Variants in GPC3 observed in about 807,000 individuals in gnomAD.
The protein encoded by GPC3 is glypican 3.
Under a neutral mutation model 34.4 loss-of-function variants are expected in GPC3, and 3 were observed. That is an observed-to-expected ratio of 0.09 (90% CI 0.04 to 0.23). GPC3 has a LOEUF of 0.23. Among genes scored for constraint, GPC3 ranks in the 10% least tolerant of loss-of-function variants. The probability of loss-of-function intolerance (pLI) is 1.00; values close to 1 mark genes in which losing one functional copy is unlikely to be tolerated. For synonymous variants in GPC3, 177 were observed against 174.0 expected (o/e 1.02, Z -0.13); for missense variants, 351 against 445.6 (o/e 0.79, Z 1.91).
chrX:133,568,511 C>T (rs999786063), intron 7 of GPC3, among the ~76,000 whole-genome samples: 3 of 111,818 alleles, frequency 2.7e-5, no homozygotes, highest in Admixed American at 9.5e-5. Flanking sequence ...GTCTCAGATT[C>T]GGAGAAGAAT....
chrX:133,921,286 A>G (rs1478822787), intron 2 of GPC3, among the ~76,000 whole-genome samples: 1 of 111,222 alleles, frequency 9.0e-6, no homozygotes, highest in Non-Finnish European at 1.9e-5. Context: ...CCCACTACCA[A>G]TCAGGTCCTT....
At chrX:133,561,087 C>G (rs1440601473) in intron 7 of GPC3, among the ~76,000 whole-genome samples, 2 of 112,334 alleles carry the variant, frequency 1.8e-5, no homozygotes, top group Non-Finnish European at 3.8e-5. Flanking sequence ...TGCCCATCAT[C>G]AACCTCCAAC....
At chrX:133,609,384 G>A (rs1273381829) in intron 6 of GPC3, among the ~76,000 whole-genome samples, 1 of 111,578 alleles carries the variant, frequency 9.0e-6, no homozygotes. Context: ...TACCTCAAGT[G>A]GTTTGACTGG....
chrX:133,772,885 TAAGTGGTG>T (rs2071938181), intron 2 of GPC3, among the ~76,000 whole-genome samples: 1 of 110,331 alleles, frequency 9.1e-6, no homozygotes, highest in African/African-American at 3.3e-5. Context: ...ACACAACAAG[TAAGTGGTG>T]CAGAGCTGGA....
intron 2 of GPC3, among the ~76,000 whole-genome samples, chrX:133,914,944 A>AATATATATATATATATATATATATATAT (rs35086661): frequency 2.0e-5 from 1 of 49,934 alleles, no homozygotes; most frequent in African/African-American, 1.0e-4. Context: ...TCAAACTGGA[A>AATATATATATATATATATATATATATAT]ATATATATAT....
At chrX:133,956,978 C>A (rs2076419365) in intron 1 of GPC3, among the ~76,000 whole-genome samples, 1 of 111,501 alleles carries the variant, frequency 9.0e-6, no homozygotes, top group Non-Finnish European at 1.9e-5. Flanking sequence ...CCTGAGTTGG[C>A]CAAGTCTCAT....
At chrX:133,650,464 CA>C (rs2070590931) in intron 6 of GPC3, among the ~76,000 whole-genome samples, 2 of 108,603 alleles carry the variant, frequency 1.8e-5, no homozygotes, top group Admixed American at 2.0e-4. Context: ...CACCCACACA[CA>C]CACACACACA....
chrX:133,551,517 CT>C (rs2069433329), intron 7 of GPC3, among the ~76,000 whole-genome samples: 1 of 111,106 alleles, frequency 9.0e-6, no homozygotes. Flanking sequence ...CAATTATTCC[CT>C]TCTCTTCTGT....
chrX:133,947,607 G>C (rs2076374601), intron 2 of GPC3, among the ~76,000 whole-genome samples: 1 of 111,737 alleles, frequency 8.9e-6, no homozygotes, highest in Non-Finnish European at 1.9e-5. Flanking sequence ...TTTCCAGTTG[G>C]TTTTCCAATT....
chrX:133,748,246 T>C (rs181676994), intron 3 of GPC3, among the ~76,000 whole-genome samples: 1 of 112,301 alleles, frequency 8.9e-6, no homozygotes, highest in African/African-American at 3.2e-5. Context: ...AAAACAGTCA[T>C]ATTTTAAAAA....
chrX:133,938,360 T>C (rs1385020218), intron 2 of GPC3, among the ~76,000 whole-genome samples: 1 of 111,759 alleles, frequency 8.9e-6, no homozygotes, highest in African/African-American at 3.2e-5. Flanking sequence ...ATCCGTTCTC[T>C]TAAACACTAC....
chrX:133,724,248 C>G (rs755217734), intron 3 of GPC3, among the ~76,000 whole-genome samples: 28 of 111,879 alleles, frequency 2.5e-4, no homozygotes, highest in African/African-American at 7.5e-4. Context: ...TTGAGGAAAC[C>G]CTTTGGGAAT....
chrX:133,985,330 G>A lies in GPC3; in HGVS notation c.120C>T (p.Ser40=), dbSNP rs1220902363. The A allele has an allele frequency of 2.5e-6, 3 of 1,210,615 alleles. No individual in the cohort carries two copies. The South Asian group carries it at 5.3e-5, about 21-fold the overall frequency. ...PPDATCHQVR[S]FFQRLQPGLK... ...GTCCGGGCTGCAGTCTCTGGAAGAA[G>A]GAGCGGACTTGGTGACAGGTGGCGT... The change falls in exon 1 of 8, where the codon TCC becomes TCT. Residue 40 remains serine (S), a synonymous_variant. Transcript: ENST00000370818.
chrX:133,872,294 T>C (rs1213759927), intron 2 of GPC3, among the ~76,000 whole-genome samples: 1 of 111,418 alleles, frequency 9.0e-6, no homozygotes, highest in Non-Finnish European at 1.9e-5. Context: ...CAAGGGGATG[T>C]TAAAAGATGC....
intron 2 of GPC3, among the ~76,000 whole-genome samples, chrX:133,912,544 G>T (rs2076205655): frequency 9.4e-6 from 1 of 106,074 alleles, no homozygotes; most frequent in African/African-American, 3.5e-5. Context: ...GAAGGGGGGT[G>T]CGTGTTATTC....
intron 5 of GPC3, among the ~76,000 whole-genome samples, chrX:133,689,998 T>C (rs762513618): frequency 7.1e-5 from 8 of 111,990 alleles, no homozygotes; most frequent in Non-Finnish European, 1.3e-4. Context: ...ACTGTTTTTT[T>C]CTGAAAATTA....
At chrX:133,658,006 C>G (rs750671222) in intron 6 of GPC3, among the ~76,000 whole-genome samples, 4 of 109,244 alleles carry the variant, frequency 3.7e-5, no homozygotes, top group African/African-American at 1.3e-4. Flanking sequence ...GATGCAGCAC[C>G]GAGCAAGGGG....
intron 3 of GPC3, among the ~76,000 whole-genome samples, chrX:133,733,845 G>A (rs1161912771): frequency 9.0e-6 from 1 of 111,349 alleles, no homozygotes; most frequent in African/African-American, 3.3e-5. Flanking sequence ...ACTGACTCAG[G>A]AAGAAATAAA....
chrX:133,660,015 A>G (rs2070702508), intron 6 of GPC3, among the ~76,000 whole-genome samples: 1 of 111,226 alleles, frequency 9.0e-6, no homozygotes, highest in South Asian at 3.8e-4. Flanking sequence ...ACTTTCACAC[A>G]CAAAAATGGC....
Sources: gnomAD v4.1 joint callset for allele counts (sites outside exome capture counted in the v4.1 genomes callset) on GRCh38, gnomAD v4.1.1 for gene constraint, MANE v1.5 for transcripts, NCBI Gene and HGNC (gene_info 2026-07-23, HGNC 2026-07-21) for gene names.